SEPTIN7: variants seen among roughly 807,000 people sequenced by gnomAD.
SEPTIN7 encodes septin 7.
Under a neutral mutation model 63.3 loss-of-function variants are expected in SEPTIN7, and 10 were observed. The ratio of observed to expected loss-of-function variants is 0.16; its 90% confidence interval spans 0.10 to 0.27. The LOEUF (loss-of-function observed/expected upper bound fraction) is 0.27, where lower values mean the gene tolerates loss of function less well. Ranked by LOEUF, SEPTIN7 falls within the 10% of genes least tolerant of loss-of-function variation. The pLI is 1.00. For synonymous variants in SEPTIN7, 131 were observed against 165.3 expected, an observed-to-expected ratio of 0.79 and a Z score of 1.59; for missense variants, 310 against 521.0, an observed-to-expected ratio of 0.59 and a Z score of 3.94.
chr7:35,814,553 T>G (rs1345612750), intron 1 of SEPTIN7, among the ~76,000 whole-genome samples: 1 of 152,212 alleles, frequency 6.6e-6, no homozygotes, highest in Non-Finnish European at 1.5e-5. Flanking sequence ...CTCATTACAC[T>G]TTTACCCACT....
At chr7:35,824,865 T>G (rs574059682) in intron 1 of SEPTIN7, among the ~76,000 whole-genome samples, 6 of 152,302 alleles carry the variant, frequency 3.9e-5, no homozygotes, top group South Asian at 4.1e-4. Context: ...GCAATCAGTA[T>G]AAAATTATTA....
At chr7:35,805,570 A>G (rs962838081) in intron 1 of SEPTIN7, among the ~76,000 whole-genome samples, 9 of 152,212 alleles carry the variant, frequency 5.9e-5, no homozygotes, top group East Asian at 1.9e-4. Context: ...CTGCAGCAAC[A>G]GACTGTCATG....
chr7:35,899,144 A>C (rs1788142092), intron 12 of SEPTIN7: 1 of 152,240 alleles, frequency 6.6e-6, no homozygotes. Flanking sequence ...TTAGTTTGAT[A>C]GATGTCTGAG....
At chr7:35,862,922 G>A (rs1288876254) in intron 3 of SEPTIN7, among the ~76,000 whole-genome samples, 1 of 152,082 alleles carries the variant, frequency 6.6e-6, no homozygotes, top group Non-Finnish European at 1.5e-5. Context: ...CGTGATCAGA[G>A]TACAAATCAT....
chr7:35,806,638 G>C (rs1404419104), intron 1 of SEPTIN7, among the ~76,000 whole-genome samples: 2 of 152,308 alleles, frequency 1.3e-5, no homozygotes, highest in Admixed American at 6.5e-5. Flanking sequence ...TTCTAATCAA[G>C]ATAGAGAATA....
intron 11 of SEPTIN7, among the ~76,000 whole-genome samples, chr7:35,893,011 CAT>C (rs1787744115): frequency 6.6e-6 from 1 of 152,128 alleles, no homozygotes; most frequent in South Asian, 2.1e-4. Flanking sequence ...TTGTATCTGA[CAT>C]TGTCTTGAAA....
chr7:35,817,008 GT>G (rs372234064), intron 1 of SEPTIN7, among the ~76,000 whole-genome samples: 2,570 of 141,870 alleles, frequency 0.018, 44 homozygotes, highest in East Asian at 0.083. Context: ...AATTCCACAG[GT>G]TTTTTTTTTT....
Position 35,819,971 on chromosome 7 carries a change from C to T in SEPTIN7, c.62-11521C>T, listed in dbSNP as rs1207271425. Among the ~76,000 whole-genome samples the T allele has an allele frequency of 3.3e-5, 5 of 150,918 alleles. No individual in the cohort carries two copies. The East Asian group carries it at 9.7e-4, about 29-fold the overall frequency. ...TTTACACCTGTAATTTTGCTGTTTT[C>T]TACATCTTGTCTTTTTTTTTTTTTT... On this transcript the variant is annotated intron_variant, in intron 1 of 13. Transcript: ENST00000350320.
chr7:35,885,964 A>C (rs1787216057), intron 10 of SEPTIN7, 85 bp downstream of exon 10: 1 of 847,734 alleles, frequency 1.2e-6, no homozygotes, highest in South Asian at 1.6e-5. Context: ...CCTTCTATAA[A>C]TGTAGCTAAT....
At chr7:35,895,057 T>G (rs996590011) in intron 11 of SEPTIN7, among the ~76,000 whole-genome samples, 5 of 152,188 alleles carry the variant, frequency 3.3e-5, no homozygotes, top group African/African-American at 1.2e-4. Flanking sequence ...CTTTCTTCAT[T>G]TCTTTGTCTG....
At chr7:35,802,263 CTGTG>C in intron 1 of SEPTIN7, 1 of 369,240 alleles carries the variant, frequency 2.7e-6, no homozygotes, top group African/African-American at 2.1e-5. Context: ...TCCATTTCAG[CTGTG>C]TGTATAGTAA....
intron 6 of SEPTIN7, chr7:35,879,574 G>A: frequency 3.3e-6 from 1 of 303,538 alleles, no homozygotes; most frequent in Middle Eastern, 9.6e-4. Flanking sequence ...GAGCCTTTCT[G>A]GTTTTTCCAA....
chr7:35,864,502 A>G (rs1165581768), intron 4 of SEPTIN7, among the ~76,000 whole-genome samples: 2 of 152,104 alleles, frequency 1.3e-5, no homozygotes, highest in Non-Finnish European at 1.5e-5. Flanking sequence ...CTGAATTGTG[A>G]TGTTCTGCAA....
In SEPTIN7 at chr7:35,802,562, C is replaced by T. The variant is rs368756123; in HGVS notation, c.61+1292C>T. Among the ~76,000 whole-genome samples, 14 of 152,330 alleles carry T rather than the reference C, an allele frequency of 9.2e-5. No homozygotes were observed. The East Asian group carries it at 2.7e-3, about 29-fold the overall frequency. ...TGAACAGATCATCTAAATTACTAAG[C>T]ATCTAACCTGTTTTACATATTTATG... is the stretch of plus-strand genomic sequence containing the variant. On this transcript the variant is annotated intron_variant, in intron 1 of 13. Coordinates refer to ENST00000350320, the MANE Select transcript of SEPTIN7 (RefSeq NM_001788.6).
chr7:35,842,348 GAAAA>G (rs35707107), intron 3 of SEPTIN7, among the ~76,000 whole-genome samples: 11 of 143,602 alleles, frequency 7.7e-5, no homozygotes, highest in African/African-American at 2.8e-4. Flanking sequence ...CTTTGTTTTT[GAAAA>G]AAAAAAAACC....
At chr7:35,863,411 C>G in intron 3 of SEPTIN7, 141 bp from the exon 4 acceptor site, 1 of 581,332 alleles carries the variant, frequency 1.7e-6, no homozygotes, top group Admixed American at 3.2e-5. Flanking sequence ...TACTTATTCT[C>G]TGTAGCATAT....
rs79018006 is a variant in SEPTIN7 at position 35,888,114 on chromosome 7, A to G, written c.872+2235A>G. ...TGGATATGGGTGTTTCAGAAATCAA[A>G]TGGGGAAAGAAAACAAAAGGAGAAC... On this transcript the variant is annotated intron_variant, in intron 10 of 13. Coordinates refer to ENST00000350320, the MANE Select transcript of SEPTIN7 (RefSeq NM_001788.6). Among the ~76,000 whole-genome samples, 394 of 152,308 alleles carry G rather than the reference A, an allele frequency of 2.6e-3. 2 individuals are homozygous for G. Among genetic ancestry groups the G allele is most frequent in the African/African-American group, 9.0e-3 (376 of 41,584 alleles).
Position 35,801,237 on chromosome 7 carries a change from G to C in SEPTIN7, c.28G>C (p.Ala10Pro). Residue 10 changes from alanine (A) to proline (P), a missense_variant, in exon 1 of 14, where the codon GCT (alanine) becomes CCT (proline). By Grantham distance (27) the Ala-to-Pro change is conservative (BLOSUM62 -1). Coordinates refer to ENST00000350320, the MANE Select transcript of SEPTIN7 (RefSeq NM_001788.6). ...GTCGGTCAGTGCGAGATCCGCTGCTGCTGAGGAGAGGAGCGTCAACAGCAG... is the reference window on the plus strand; with the variant it reads ...GTCGGTCAGTGCGAGATCCGCTGCTCCTGAGGAGAGGAGCGTCAACAGCAG... Reference protein sequence around the residue: MSVSARSAAAEERSVNSSTM... With the variant: MSVSARSAAPEERSVNSSTM... 1 of 1,536,100 alleles carries C rather than the reference G, an allele frequency of 6.5e-7. No homozygotes were observed. Among genetic ancestry groups the C allele is most frequent in the Non-Finnish European group, 8.8e-7 (1 of 1,142,580 alleles).
intron 3 of SEPTIN7, among the ~76,000 whole-genome samples, chr7:35,847,685 T>C (rs1344832065): frequency 2.6e-5 from 4 of 152,236 alleles, no homozygotes; most frequent in Non-Finnish European, 4.4e-5. Context: ...TTCATTGTTA[T>C]ATTTCTTGTG....
Sources: allele counts gnomAD v4.1 joint callset (sites outside exome capture counted in the v4.1 genomes callset), GRCh38; gene constraint gnomAD v4.1.1; transcripts MANE v1.5; gene names NCBI Gene and HGNC (gene_info 2026-07-23, HGNC 2026-07-21).